Variants in MYO5C observed in about 807,000 individuals in gnomAD.
MYO5C encodes unconventional myosin-Vc.
MYO5C carries 194 observed loss-of-function variants against 235.7 expected under a neutral mutation model. That is an observed-to-expected ratio of 0.82 (90% CI 0.73 to 0.93). The LOEUF is 0.93. Ranked by LOEUF, MYO5C falls within the 40% of genes least tolerant of loss-of-function variation. The probability of loss-of-function intolerance (pLI) is 0.00; values close to 1 mark genes in which losing one functional copy is unlikely to be tolerated. For synonymous variants in MYO5C, 707 were observed against 754.8 expected, an observed-to-expected ratio of 0.94 and a Z score of 1.04; for missense variants, 2,038 against 2,127.2, an observed-to-expected ratio of 0.96 and a Z score of 0.82.
At chr15:52,208,435 C>G (rs1181413711) in intron 36 of MYO5C, 119 bp downstream of exon 36, 2 of 865,912 alleles carry the variant, frequency 2.3e-6, no homozygotes, top group East Asian at 4.9e-5. Context: ...AAGAGTCCAA[C>G]AGATAATGTG....
In MYO5C at chr15:52,261,502, C is replaced by T. The variant is rs1398063167; in HGVS notation, c.1048-375G>A. Among the ~76,000 whole-genome samples, 5 of 152,252 alleles carry T rather than the reference C, an allele frequency of 3.3e-5. No individual in the cohort carries two copies. In the South Asian group the frequency reaches 6.2e-4, roughly 19 times the overall value. ...GCAGCCCTCTCTCTTCCCTTTGAAC[C>T]ATCCTGGGCCACTTGTCAGAGTGTG... On this transcript the variant is annotated intron_variant, in intron 9 of 40. Transcript: ENST00000261839.
rs182379172 is a variant in MYO5C, at chr15:52,291,810, C to T, written c.27+3800G>A. On this transcript the variant is annotated intron_variant, in intron 1 of 40. Transcript: ENST00000261839. ...CTGGAGTGCAGCGGCGCGATCTCGG[C>T]TCACTGCAAGCTTCGCCTCCCGGGT... is the stretch of plus-strand genomic sequence containing the variant. Among the ~76,000 whole-genome samples, 285 of 136,582 alleles carry T rather than the reference C, an allele frequency of 2.1e-3. 6 individuals are homozygous for T. Among genetic ancestry groups the T allele is most frequent in the East Asian group, 0.014 (65 of 4,812 alleles). 89.6% of individuals were successfully genotyped at this position (136,582 alleles called of 152,430 possible).
chr15:52,232,284 AGAAG>A (rs1185376040), intron 24 of MYO5C, among the ~76,000 whole-genome samples: 2 of 149,752 alleles, frequency 1.3e-5, no homozygotes, highest in South Asian at 2.2e-4. Flanking sequence ...AAGGAAGGAG[AGAAG>A]GAAGGAAGGA....
chr15:52,206,038 ACT>A (rs1311506576), intron 36 of MYO5C, 72 bp from the exon 37 acceptor site: 1 of 940,966 alleles, frequency 1.1e-6, no homozygotes, highest in Non-Finnish European at 1.5e-6. Context: ...AGCTACTATA[ACT>A]CTTTTACCTT....
intron 1 of MYO5C, among the ~76,000 whole-genome samples, chr15:52,294,456 T>C (rs552203455): frequency 6.6e-6 from 1 of 152,362 alleles, no homozygotes; most frequent in Non-Finnish European, 1.5e-5. Flanking sequence ...TTGCTTTGTG[T>C]CCGGACTGTT....
At chr15:52,266,551 T>C (rs549500056) in intron 8 of MYO5C, among the ~76,000 whole-genome samples, 19 of 152,306 alleles carry the variant, frequency 1.2e-4, no homozygotes, top group Admixed American at 7.2e-4. Flanking sequence ...CCGTCCTTGG[T>C]ATTTTCCACG....
chr15:52,211,646 G>A, intron 35 of MYO5C, 84 bp downstream of exon 35: 1 of 1,434,434 alleles, frequency 7.0e-7, no homozygotes, highest in Non-Finnish European at 9.6e-7. Flanking sequence ...ACCACACAAT[G>A]GAGGCTCAGG....
intron 1 of MYO5C, among the ~76,000 whole-genome samples, chr15:52,287,888 A>T (rs1020803348): frequency 1.3e-5 from 2 of 152,092 alleles, no homozygotes; most frequent in Non-Finnish European, 2.9e-5. Flanking sequence ...AGGCAGGAGA[A>T]TCGCTTGAAC....
chr15:52,234,480 G>A (rs6493548), intron 23 of MYO5C, among the ~76,000 whole-genome samples: 145,067 of 152,268 alleles, frequency 0.95, 69,327 homozygotes, highest in Non-Finnish European at 0.99. Flanking sequence ...TCTATTTGAA[G>A]TTAGGGGGGA....
At chr15:52,289,335 G>A (rs1204480233) in intron 1 of MYO5C, among the ~76,000 whole-genome samples, 2 of 152,098 alleles carry the variant, frequency 1.3e-5, no homozygotes, top group African/African-American at 4.8e-5. Context: ...GTGCACTGGA[G>A]CTCTACACCA....
At chr15:52,223,810 CAA>C in intron 28 of MYO5C, 86 bp from the exon 29 acceptor site, 1 of 1,241,482 alleles carries the variant, frequency 8.1e-7, no homozygotes, top group East Asian at 2.5e-5. Flanking sequence ...AGACCCACAA[CAA>C]GAGCCGTGCA....
intron 5 of MYO5C, among the ~76,000 whole-genome samples, chr15:52,273,442 T>G (rs2036968719): frequency 6.6e-6 from 1 of 152,230 alleles, no homozygotes; most frequent in African/African-American, 2.4e-5. Context: ...CTCAAAATCT[T>G]CATGCTGAAA....
At chr15:52,250,637 C>G (rs1443546731) in intron 13 of MYO5C, among the ~76,000 whole-genome samples, 1 of 152,208 alleles carries the variant, frequency 6.6e-6, no homozygotes, top group Admixed American at 6.5e-5. Flanking sequence ...CCATCAGTCA[C>G]TCGGGAATGA....
chr15:52,289,699 G>A (rs2037348523), intron 1 of MYO5C, among the ~76,000 whole-genome samples: 1 of 152,044 alleles, frequency 6.6e-6, no homozygotes, highest in Non-Finnish European at 1.5e-5. Flanking sequence ...TGGGCAGACA[G>A]ACTCTCTCAT....
At chr15:52,280,701 C>T (rs369865019) in intron 2 of MYO5C, among the ~76,000 whole-genome samples, 1 of 152,336 alleles carries the variant, frequency 6.6e-6, no homozygotes. Context: ...GACCCCATGC[C>T]AAGCACTCAG....
At chr15:52,195,594 G>C (rs2035029284) in intron 39 of MYO5C, 137 bp from the exon 40 acceptor site, 1 of 492,038 alleles carries the variant, frequency 2.0e-6, no homozygotes, top group Admixed American at 4.2e-5. Flanking sequence ...GGAACTGTAT[G>C]TTACCTATTT....
At chr15:52,210,125 G>A (rs1319508842) in intron 35 of MYO5C, among the ~76,000 whole-genome samples, 2 of 151,946 alleles carry the variant, frequency 1.3e-5, no homozygotes, top group Admixed American at 6.6e-5. Flanking sequence ...CACCGCACCT[G>A]GCCAATTTTT....
At chr15:52,199,827 C>T (rs1484739484) in intron 38 of MYO5C, among the ~76,000 whole-genome samples, 1 of 152,134 alleles carries the variant, frequency 6.6e-6, no homozygotes, top group Non-Finnish European at 1.5e-5. Context: ...TCTTTGCCCT[C>T]ACCATTTGGC....
chr15:52,278,680 T>G (rs1483739949), intron 4 of MYO5C, among the ~76,000 whole-genome samples, 193 bp downstream of exon 4: 1 of 152,122 alleles, frequency 6.6e-6, no homozygotes, highest in African/African-American at 2.4e-5. Flanking sequence ...CCCAGGAAAC[T>G]CCAGTCTTGA....
Sources: allele counts gnomAD v4.1 joint callset (sites outside exome capture counted in the v4.1 genomes callset), GRCh38; gene constraint gnomAD v4.1.1; transcripts MANE v1.5; gene names NCBI Gene and HGNC (gene_info 2026-07-23, HGNC 2026-07-21).